Variants in LNPEP observed in about 807,000 individuals in gnomAD.
LNPEP encodes the protein leucyl-cystinyl aminopeptidase.
LNPEP carries 64 observed loss-of-function variants against 120.6 expected under a neutral mutation model. That is an observed-to-expected ratio of 0.53 (90% CI 0.43 to 0.65). LNPEP has a LOEUF of 0.65. LNPEP is among the 30% of genes least tolerant of loss of function. The pLI is 0.00. For missense variants in LNPEP, 1,057 were observed against 1,200.0 expected, an observed-to-expected ratio of 0.88 and a Z score of 1.76; for synonymous variants, 435 against 425.4, an observed-to-expected ratio of 1.02 and a Z score of -0.28.
At chr5:96,980,542 A>T (rs1790098382) in intron 2 of LNPEP, among the ~76,000 whole-genome samples, 2 of 152,170 alleles carry the variant, frequency 1.3e-5, no homozygotes, top group African/African-American at 4.8e-5. Context: ...TCAGAAAAAA[A>T]GGTGAGACAA....
In LNPEP at chr5:97,015,000, C is replaced by T. The variant is rs1266594447; in HGVS notation, c.2281C>T (p.His761Tyr). The change falls in exon 13 of 18, where the codon CAT (histidine) becomes TAT (tyrosine). Residue 761 changes from histidine (H) to tyrosine (Y), a missense_variant. His to Tyr is a moderately conservative substitution (Grantham distance 83). Coordinates refer to ENST00000231368, the MANE Select transcript of LNPEP (RefSeq NM_005575.3). ...GATTAATTATCTTGGAAATGAGAAC[C>T]ATACTGCACCCATCACCGAAGCCCT... is the stretch of plus-strand genomic sequence containing the variant. ...DLINYLGNENHTAPITEALFQ... is the reference protein window; with the variant it reads ...DLINYLGNENYTAPITEALFQ... The T allele has an allele frequency of 3.1e-6, 5 of 1,591,648 alleles. No homozygotes were observed. Among genetic ancestry groups the T allele is most frequent in the Non-Finnish European group, 4.3e-6 (5 of 1,168,894 alleles).
chr5:97,003,357 C>T (rs905749989), intron 8 of LNPEP, 58 bp from the exon 9 acceptor site: 17 of 1,006,218 alleles, frequency 1.7e-5, no homozygotes, highest in African/African-American at 1.2e-4. Flanking sequence ...ATTCCCAATT[C>T]GATAATCTAT....
chr5:97,021,900 GT>G (rs1043092858), intron 13 of LNPEP, among the ~76,000 whole-genome samples: 1 of 123,184 alleles, frequency 8.1e-6, no homozygotes, highest in African/African-American at 3.1e-5. Flanking sequence ...TTGTCCTGGG[GT>G]TTTTTTTGTT....
rs565376339 is a variant in LNPEP at position 96,979,463 on chromosome 5, T to C, written c.345T>C (p.Ala115=). 181 of 1,614,122 alleles carry C rather than the reference T, an allele frequency of 1.1e-4. 2 individuals are homozygous for C. The South Asian group carries it at 1.9e-3, about 17-fold the overall frequency. The part of the protein sequence containing the change: ...VPSARTMVVC[A]FVIVVAVSVI... ...CTGCAAGGACCATGGTGGTCTGTGC[T>C]TTTGTCATCGTGGTTGCTGTTTCTG... is the stretch of plus-strand genomic sequence containing the variant. The change falls in exon 2 of 18, where the codon GCT becomes GCC. Residue 115 remains alanine, a synonymous_variant. Transcript: ENST00000231368.
intron 11 of LNPEP, among the ~76,000 whole-genome samples, chr5:97,008,782 A>G (rs866966079): frequency 6.8e-5 from 10 of 147,918 alleles, no homozygotes; most frequent in African/African-American, 2.5e-4. Context: ...CTCCTGCCTC[A>G]GCCTCCTGAG....
Position 96,979,817 on chromosome 5 carries a change from G to A in LNPEP, c.699G>A (p.Glu233=), listed in dbSNP as rs777989504. The change falls in exon 2 of 18, where the codon GAG becomes GAA. Residue 233 remains glutamate (E), a synonymous_variant. Transcript: ENST00000231368. ...TTTCAAGCCAAGAAAAACAAGCTGA[G>A]ATCCTGGAATATGCATATCATGGAC... is the stretch of plus-strand genomic sequence containing the variant. ...SAVSSQEKQA[E]ILEYAYHGQI... 1.9e-6 allele frequency: 3 copies of A among 1,614,042 alleles called. No homozygotes were observed. The South Asian group carries it at 3.3e-5, about 18-fold the overall frequency.
chr5:97,004,096 G>T (rs981183965), intron 9 of LNPEP, among the ~76,000 whole-genome samples: 75 of 152,172 alleles, frequency 4.9e-4, no homozygotes, highest in Admixed American at 4.9e-3. Flanking sequence ...TAATTATGTA[G>T]AAGTTACACT....
In LNPEP at chr5:97,013,786, A is replaced by G. The variant is rs748418095; in HGVS notation, c.2174A>G (p.Asp725Gly). 4 of 1,610,720 alleles carry G rather than the reference A, an allele frequency of 2.5e-6. No homozygotes were observed. The highest frequency in any genetic ancestry group is 3.4e-5 in the Admixed American group (2 of 59,560). ...AAAATAAATCCTTATGTTCTGAGTG[A>G]CAAAGACCGAGCCAACCTTATCAAC... ...QLKINPYVLS[D>G]KDRANLINNI... The change falls in exon 12 of 18, where the codon GAC becomes GGC. Residue 725 changes from aspartate (D) to glycine (G), a missense_variant. Coordinates refer to ENST00000231368, the MANE Select transcript of LNPEP (RefSeq NM_005575.3).
chr5:96,961,199 T>C (rs2112580842), intron 1 of LNPEP, among the ~76,000 whole-genome samples: 1 of 152,272 alleles, frequency 6.6e-6, no homozygotes, highest in African/African-American at 2.4e-5. Context: ...AAAAAAACTG[T>C]CTACCATGCA....
In LNPEP at chr5:97,032,926, C is replaced by A. The variant is rs1242145009; in HGVS notation, c.*4393C>A. ...CAAGTGTGTATAAATATTGTGCCAC[C>A]TTTTTATACTTCATTTTATACTTGT... is the stretch of plus-strand genomic sequence containing the variant. On this transcript the variant is annotated 3_prime_UTR_variant, in exon 18 of 18. Coordinates refer to ENST00000231368, the MANE Select transcript of LNPEP (RefSeq NM_005575.3). The A allele has an allele frequency of 6.6e-6, 1 of 152,040 alleles. No homozygotes were observed. Among genetic ancestry groups the A allele is most frequent in the Non-Finnish European group, 1.5e-5 (1 of 68,018 alleles). 9.4% of individuals were successfully genotyped at this position (152,040 alleles called of 1,614,324 possible).
intron 2 of LNPEP, among the ~76,000 whole-genome samples, chr5:96,984,226 A>C (rs6879678): frequency 0.5 from 75,617 of 152,016 alleles, 19,012 homozygotes; most frequent in African/African-American, 0.57. Flanking sequence ...TATTGCCAGA[A>C]CAACTCAAAA....
rs1413265392 is a variant in LNPEP at position 97,037,053 on chromosome 5, T to A, written c.*8520T>A. On this transcript the variant is annotated 3_prime_UTR_variant, in exon 18 of 18. Coordinates refer to ENST00000231368, the MANE Select transcript of LNPEP (RefSeq NM_005575.3). ...GCTGTGTATGTATGTGTATATAAAA[T>A]GAGAATTATGGCATAATTGGAGCAT... 6.6e-6 allele frequency: 1 copy of A among 152,170 alleles called. No homozygotes were observed. The highest frequency in any genetic ancestry group is 1.5e-5 in the Non-Finnish European group (1 of 68,026). The allele number at this position is 152,170 out of a possible 1,614,324, so 9.4% of individuals were successfully genotyped here. A position where few individuals can be genotyped will look rare whatever the true frequency, so the allele number is the denominator to read the frequency against.
intron 16 of LNPEP, 69 bp downstream of exon 16, chr5:97,026,826 T>G: frequency 7.3e-7 from 1 of 1,370,504 alleles, no homozygotes; most frequent in Non-Finnish European, 1.0e-6. Flanking sequence ...GCTCCCAGTG[T>G]TTTGGCTCAC....
intron 1 of LNPEP, among the ~76,000 whole-genome samples, chr5:96,940,952 G>C (rs1789036277): frequency 6.6e-6 from 1 of 152,176 alleles, no homozygotes; most frequent in Non-Finnish European, 1.5e-5. Context: ...AAGGTTTGGG[G>C]ATGACTCAAG....
chr5:96,985,289 T>C (rs116467861), intron 3 of LNPEP, 71 bp downstream of exon 3: 61,732 of 1,257,442 alleles, frequency 0.049, 1,775 homozygotes, highest in Middle Eastern at 0.099. Context: ...TAAATTCCTC[T>C]TTGCCAGACT....
At position 96,979,891 on chromosome 5, in the gene LNPEP, C is replaced by T. The variant is rs1488540428; in HGVS notation, c.773C>T (p.Thr258Met). Reference protein sequence around the residue: ...PEALLAGHNYTLKIEYSANIS... With the variant: ...PEALLAGHNYMLKIEYSANIS... Reference sequence around the variant, plus strand: ...GCCCTTCTAGCAGGGCACAATTATACGTTGAAGATAGAGTACTCGGCAAAT... The same window carrying T: ...GCCCTTCTAGCAGGGCACAATTATATGTTGAAGATAGAGTACTCGGCAAAT... The change falls in exon 2 of 18, where the codon ACG (threonine) becomes ATG (methionine). Residue 258 changes from threonine (T) to methionine (M), a missense_variant. Transcript: ENST00000231368. 4 of 1,613,816 alleles carry T rather than the reference C, an allele frequency of 2.5e-6. No individual in the cohort carries two copies. The highest frequency in any genetic ancestry group is 1.7e-5 in the Admixed American group (1 of 59,980).
At chr5:96,997,901 T>C in intron 7 of LNPEP, 113 bp from the exon 8 acceptor site, 2 of 695,108 alleles carry the variant, frequency 2.9e-6, no homozygotes, top group Non-Finnish European at 4.6e-6. Flanking sequence ...GTGACACTGG[T>C]CATTTTTTCC....
intron 1 of LNPEP, among the ~76,000 whole-genome samples, chr5:96,954,735 C>CACATAT (rs1789409341): frequency 2.9e-5 from 2 of 69,672 alleles, no homozygotes; most frequent in Admixed American, 1.7e-4. Flanking sequence ...TATATATATA[C>CACATAT]ATATATATAT....
intron 13 of LNPEP, among the ~76,000 whole-genome samples, chr5:97,018,240 A>G (rs1037311179): frequency 1.1e-4 from 17 of 152,130 alleles, no homozygotes; most frequent in African/African-American, 4.1e-4. Context: ...GTGAGGAGGC[A>G]GAATATCTCC....
Sources: gnomAD v4.1 joint callset for allele counts (sites outside exome capture counted in the v4.1 genomes callset) on GRCh38, gnomAD v4.1.1 for gene constraint, MANE v1.5 for transcripts, NCBI Gene and HGNC (gene_info 2026-07-23, HGNC 2026-07-21) for gene names.